NCOA2: variants seen among roughly 807,000 people sequenced by gnomAD.
NCOA2 encodes class E basic helix-loop-helix protein 75.
A neutral mutation model predicts 145.1 loss-of-function variants in NCOA2; 21 were observed. That is an observed-to-expected ratio of 0.14 (90% CI 0.10 to 0.21). NCOA2 has a LOEUF of 0.21. Ranked by LOEUF, NCOA2 falls within the 10% of genes least tolerant of loss-of-function variation. The pLI is 1.00. For synonymous variants in NCOA2, 619 were observed against 637.5 expected, an observed-to-expected ratio of 0.97 and a Z score of 0.44; for missense variants, 1,472 against 1,837.6, an observed-to-expected ratio of 0.80 and a Z score of 3.64.
chr8:70,144,223 T>A (rs574885899), intron 13 of NCOA2, among the ~76,000 whole-genome samples: 1 of 152,346 alleles, frequency 6.6e-6, no homozygotes, highest in African/African-American at 2.4e-5. Context: ...AATAAGAATT[T>A]TATCACCTAG....
rs910849890 is a variant in NCOA2 at position 70,113,636 on chromosome 8, C to A, written c.4391G>T (p.Cys1464Phe). Residue 1464 changes from cysteine (C) to phenylalanine (F), a missense_variant, in exon 23 of 23, where the codon TGC becomes TTC. Transcript: ENST00000452400. The stretch of plus-strand genomic sequence containing the variant: ...AAGCAACTGGCTTCAGCAGTGTCAG[C>A]AATATTTCTGTAGGAAAACAGATAA... ...KQEGDTTRKY[C>F] 6.4e-7 allele frequency: 1 copy of A among 1,551,910 alleles called. No homozygotes were observed. The highest frequency in any genetic ancestry group is 2.0e-5 in the Admixed American group (1 of 51,036).
chr8:70,236,679 A>C (rs1369123546), intron 2 of NCOA2, among the ~76,000 whole-genome samples: 1 of 152,178 alleles, frequency 6.6e-6, no homozygotes, highest in Non-Finnish European at 1.5e-5. Context: ...TAAAAGAAAA[A>C]AACAACAATA....
intron 2 of NCOA2, among the ~76,000 whole-genome samples, chr8:70,269,397 T>A (rs1824867036): frequency 6.6e-6 from 1 of 151,888 alleles, no homozygotes; most frequent in South Asian, 2.1e-4. Flanking sequence ...GGGGTTCAAA[T>A]CTGGGATAAG....
intron 10 of NCOA2, among the ~76,000 whole-genome samples, chr8:70,158,198 G>C (rs760040716): frequency 1.3e-5 from 2 of 152,144 alleles, no homozygotes; most frequent in Non-Finnish European, 2.9e-5. Context: ...AGAGTTGCCT[G>C]ATTTTTTTAC....
intron 1 of NCOA2, among the ~76,000 whole-genome samples, chr8:70,399,310 A>G (rs564232035): frequency 3.9e-5 from 6 of 152,296 alleles, no homozygotes; most frequent in African/African-American, 1.2e-4. Context: ...AACACTTAGA[A>G]CCTTTTTTGT....
the NCOA2 span, among the ~76,000 whole-genome samples, chr8:70,431,192 A>G: frequency 6.6e-6 from 1 of 151,922 alleles, no homozygotes; most frequent in Non-Finnish European, 1.5e-5. Context: ...ATGTGTATAT[A>G]TTTTAAATTA....
intron 2 of NCOA2, among the ~76,000 whole-genome samples, chr8:70,274,255 C>T (rs1411572756): frequency 1.4e-5 from 2 of 145,696 alleles, no homozygotes; most frequent in African/African-American, 5.1e-5. Context: ...ACTAAAGCAA[C>T]AAGAAAAACT....
chr8:70,144,717 C>A lies in NCOA2; in HGVS notation c.2737G>T (p.Val913Leu), dbSNP rs768340599. The A allele has an allele frequency of 6.2e-7, 1 of 1,613,998 alleles. No individual in the cohort carries two copies. The highest frequency in any genetic ancestry group is 8.5e-7 in the Non-Finnish European group (1 of 1,179,884). The change falls in exon 13 of 23, where the codon GTG (valine) becomes TTG (leucine). Residue 913 changes from valine to leucine, a missense_variant. Coordinates refer to ENST00000452400, the MANE Select transcript of NCOA2 (RefSeq NM_006540.4). The stretch of plus-strand genomic sequence containing the variant: ...CCCATCATTCCTGGCTGAGGTATCA[C>A]TGAGTAGGGACTACTGTTTCTGATT... ...PPIRNSSPYSVIPQPGMMGNQ... is the reference protein window; with the variant it reads ...PPIRNSSPYSLIPQPGMMGNQ...
chr8:70,456,226 A>G, the NCOA2 span, among the ~76,000 whole-genome samples: 1 of 152,200 alleles, frequency 6.6e-6, no homozygotes, highest in African/African-American at 2.4e-5. Flanking sequence ...GAGGACACTA[A>G]CATTCTACAC....
At chr8:70,356,423 T>A (rs1809703118) in intron 1 of NCOA2, among the ~76,000 whole-genome samples, 1 of 152,200 alleles carries the variant, frequency 6.6e-6, no homozygotes, top group African/African-American at 2.4e-5. Context: ...GGCACATAGC[T>A]CTAATAGCTG....
rs1251832217 is a variant in NCOA2 at position 70,166,441 on chromosome 8, A to G, written c.730+125T>C. ...TAAAAATTTCCATCACAAAACAGTA[A>G]AATTGAAAAGAACAAAGATACTGCC... On this transcript the variant is annotated intron_variant, in intron 7 of 22. Coordinates refer to ENST00000452400, the MANE Select transcript of NCOA2 (RefSeq NM_006540.4). 6.1e-6 allele frequency: 7 copies of G among 1,143,104 alleles called. No individual in the cohort carries two copies. The Admixed American group carries it at 1.5e-4, about 24-fold the overall frequency. The allele number at this position is 1,143,104 out of a possible 1,614,324, so 70.8% of individuals were successfully genotyped here. A position where few individuals can be genotyped will look rare whatever the true frequency, so the allele number is the denominator to read the frequency against.
At chr8:70,328,428 G>C (rs1207537659) in intron 1 of NCOA2, among the ~76,000 whole-genome samples, 1 of 152,134 alleles carries the variant, frequency 6.6e-6, no homozygotes, top group African/African-American at 2.4e-5. Context: ...AGGTCTCCTA[G>C]ACATCATTCA....
chr8:70,378,771 T>C (rs1344541719), intron 1 of NCOA2, among the ~76,000 whole-genome samples: 1 of 128,304 alleles, frequency 7.8e-6, no homozygotes, highest in African/African-American at 3.0e-5. Flanking sequence ...AAACATAAAA[T>C]GAAGAAATGT....
intron 2 of NCOA2, among the ~76,000 whole-genome samples, chr8:70,288,423 CA>C (rs202236961): frequency 6.6e-6 from 1 of 151,526 alleles, no homozygotes; most frequent in Non-Finnish European, 1.5e-5. Context: ...ACTAAAAATA[CA>C]AAAAAAATTA....
chr8:70,323,240 G>T (rs1323041619), intron 1 of NCOA2, among the ~76,000 whole-genome samples: 1 of 152,196 alleles, frequency 6.6e-6, no homozygotes, highest in Non-Finnish European at 1.5e-5. Context: ...TGCCTGAGTA[G>T]AGTTTACCAT....
intron 8 of NCOA2, among the ~76,000 whole-genome samples, 188 bp downstream of exon 8, chr8:70,163,277 T>C (rs984615826): frequency 2.6e-5 from 4 of 152,162 alleles, no homozygotes; most frequent in Non-Finnish European, 4.4e-5. Context: ...CATAAGTACA[T>C]GGAACAAAAG....
chr8:70,127,993 G>C (rs1808631258), intron 18 of NCOA2, among the ~76,000 whole-genome samples: 1 of 152,322 alleles, frequency 6.6e-6, no homozygotes, highest in South Asian at 2.1e-4. Context: ...AAGAGGCGGT[G>C]ATGTGCCTTC....
rs1012596018 is a variant in NCOA2, at chr8:70,142,741, C to T, written c.2813-1342G>A. 4.8e-4 allele frequency among the ~76,000 whole-genome samples: 73 copies of T among 152,010 alleles called. 3 individuals carry two copies. The highest frequency in any genetic ancestry group is 6.5e-5 in the Admixed American group (1 of 15,268). On this transcript the variant is annotated intron_variant, in intron 13 of 22. Coordinates refer to ENST00000452400, the MANE Select transcript of NCOA2 (RefSeq NM_006540.4). ...AAAAGTTAGAAGGGTATTCTATTAA[C>T]ACATATTTTAAAAACCATTTTAGAA...
Position 70,141,331 on chromosome 8 carries a change from C to T in NCOA2, c.2881G>A (p.Val961Met), listed in dbSNP as rs1375931753. ...SGEWAPQSSA[V>M]RVTCAATTSA... ...GTGGTAGCAGCACAGGTGACTCTCA[C>T]AGCCGAACTCTGCGGTGCCCATTCT... Residue 961 changes from valine to methionine, a missense_variant, in exon 14 of 23, where the codon GTG (valine) becomes ATG (methionine). Physicochemically the swap from Val to Met is conservative, Grantham distance 21. Coordinates refer to ENST00000452400, the MANE Select transcript of NCOA2 (RefSeq NM_006540.4). 6.2e-7 allele frequency: 1 copy of T among 1,613,952 alleles called. No homozygotes were observed. The highest frequency in any genetic ancestry group is 1.3e-5 in the African/African-American group (1 of 75,032).
Sources: gnomAD v4.1 joint callset for allele counts (sites outside exome capture counted in the v4.1 genomes callset) on GRCh38, gnomAD v4.1.1 for gene constraint, MANE v1.5 for transcripts, NCBI Gene and HGNC (gene_info 2026-07-23, HGNC 2026-07-21) for gene names.